Variants in KIN observed in about 807,000 individuals in gnomAD.
The protein encoded by KIN is DNA/RNA-binding protein KIN17.
KIN carries 47 observed loss-of-function variants against 63.0 expected under a neutral mutation model. The observed-to-expected ratio is 0.75, with a 90% CI of 0.59 to 0.95. The LOEUF (loss-of-function observed/expected upper bound fraction) is 0.95. Among genes scored for constraint, KIN ranks in the 40% least tolerant of loss-of-function variants. KIN has a pLI of 0.00. For synonymous variants in KIN, 160 were observed against 157.7 expected (o/e 1.01, Z -0.11); for missense variants, 408 against 460.9 (o/e 0.89, Z 1.05).
chr10:7,767,490 G>GT (rs765482235), intron 8 of KIN, among the ~76,000 whole-genome samples: 7 of 152,182 alleles, frequency 4.6e-5, no homozygotes, highest in Non-Finnish European at 1.0e-4. Flanking sequence ...CAGTTTCATA[G>GT]TAAGTTTCAT....
At chr10:7,782,467 C>T (rs912429832) in intron 2 of KIN, among the ~76,000 whole-genome samples, 2 of 150,546 alleles carry the variant, frequency 1.3e-5, no homozygotes, top group East Asian at 2.0e-4. Flanking sequence ...GGTGCAATCT[C>T]GGCTCACTGC....
intron 9 of KIN, among the ~76,000 whole-genome samples, chr10:7,765,368 G>A (rs150790784): frequency 0.025 from 3,733 of 151,966 alleles, 208 homozygotes; most frequent in East Asian, 0.24. Flanking sequence ...GCTGAGGTGG[G>A]AGGATCGCTT....
At chr10:7,767,579 G>C (rs1393083168) in intron 8 of KIN, among the ~76,000 whole-genome samples, 1 of 152,098 alleles carries the variant, frequency 6.6e-6, no homozygotes, top group Non-Finnish European at 1.5e-5. Flanking sequence ...ACAGCCAGCC[G>C]GGTGCGGTGG....
intron 2 of KIN, among the ~76,000 whole-genome samples, chr10:7,782,399 C>T (rs576033903): frequency 1.0e-3 from 142 of 141,236 alleles, no homozygotes; most frequent in Non-Finnish European, 1.8e-3. Flanking sequence ...ATTTTTAGTG[C>T]CATTTTTTTT....
At chr10:7,763,814 A>T in intron 9 of KIN, 23 bp from the exon 10 acceptor site, 1 of 1,131,188 alleles carries the variant, frequency 8.8e-7, no homozygotes, top group East Asian at 2.4e-5. Context: ...AACAAAAAAA[A>T]TGAAAGGAAA....
At chr10:7,764,399 G>A (rs184011834) in intron 9 of KIN, among the ~76,000 whole-genome samples, 45 of 152,290 alleles carry the variant, frequency 3.0e-4, no homozygotes, top group Non-Finnish European at 5.7e-4. Context: ...TGAATTCAGA[G>A]TTTGCTTCTT....
chr10:7,774,520 T>C (rs1245854451), intron 7 of KIN, among the ~76,000 whole-genome samples: 1 of 150,940 alleles, frequency 6.6e-6, no homozygotes, highest in Non-Finnish European at 1.5e-5. Flanking sequence ...AACAGGCAAA[T>C]AGGAAAAGAA....
At chr10:7,787,326 C>T (rs1283894488) in intron 1 of KIN, among the ~76,000 whole-genome samples, 1 of 152,192 alleles carries the variant, frequency 6.6e-6, no homozygotes, top group Non-Finnish European at 1.5e-5. Context: ...ATTTTAACCA[C>T]AATATTATTC....
In KIN at chr10:7,775,815, T is replaced by C; in HGVS notation, c.559-16A>G. On this transcript the variant is annotated splice_polypyrimidine_tract_variant and intron_variant, in intron 5 of 12. Coordinates refer to ENST00000379562, the MANE Select transcript of KIN (RefSeq NM_012311.4). ...TAGGGACCTCCTAAAAAAAAGAAAG[T>C]TTTAAGGTTTTGGTGTACATTGCAC... 1 of 1,521,588 alleles carries C rather than the reference T, an allele frequency of 6.6e-7. No individual in the cohort carries two copies. Among genetic ancestry groups the C allele is most frequent in the Non-Finnish European group, 8.9e-7 (1 of 1,118,684 alleles). The allele number at this position is 1,521,588 out of a possible 1,614,324, so 94.3% of individuals were successfully genotyped here. A position where few individuals can be genotyped will look rare whatever the true frequency, so the allele number is the denominator to read the frequency against.
At position 7,757,137 on chromosome 10, in the gene KIN, C is replaced by T. The variant is rs189155754; in HGVS notation, c.1120-995G>A. 1.1e-3 allele frequency among the ~76,000 whole-genome samples: 172 copies of T among 152,244 alleles called. 1 individual carries two copies. The highest frequency in any genetic ancestry group is 4.0e-3 in the African/African-American group (165 of 41,540). On this transcript the variant is annotated intron_variant, in intron 12 of 12. Coordinates refer to ENST00000379562, the MANE Select transcript of KIN (RefSeq NM_012311.4). Reference sequence around the variant, plus strand: ...AGTTATTTCATATAAAGTGACTAGACCTGGAACTTAATATGAGTGAGAGCT... The same window carrying T: ...AGTTATTTCATATAAAGTGACTAGATCTGGAACTTAATATGAGTGAGAGCT...
rs1205487887 is a variant in KIN at position 7,754,334 on chromosome 10, C to CA, written c.*1745dup. On this transcript the variant is annotated 3_prime_UTR_variant, in exon 13 of 13. Coordinates refer to ENST00000379562, the MANE Select transcript of KIN (RefSeq NM_012311.4). ...TGGATGACAGAGCAAGACCCTATCTCAAAAAACAGAACAAAAAAAAAGAGG... is the reference window on the plus strand; with the variant it reads ...TGGATGACAGAGCAAGACCCTATCTCAAAAAAACAGAACAAAAAAAAAGAGG... 3 of 268,976 alleles carry CA rather than the reference C, an allele frequency of 1.1e-5. No homozygotes were observed. The highest frequency in any genetic ancestry group is 3.4e-5 in the South Asian group (1 of 29,188). 16.7% of individuals were successfully genotyped at this position (268,976 alleles called of 1,614,324 possible). A position where few individuals can be genotyped will look rare whatever the true frequency, so the allele number is the denominator to read the frequency against.
chr10:7,757,198 T>A (rs1271491165), intron 12 of KIN, among the ~76,000 whole-genome samples: 1 of 152,232 alleles, frequency 6.6e-6, no homozygotes, highest in South Asian at 2.1e-4. Flanking sequence ...TTTAATCTTT[T>A]GTTTAAAATT....
intron 1 of KIN, among the ~76,000 whole-genome samples, chr10:7,785,708 G>A (rs1835987766): frequency 6.6e-6 from 1 of 152,018 alleles, no homozygotes; most frequent in Admixed American, 6.5e-5. Context: ...CAGCTACTTG[G>A]GAGGCTGAGG....
intron 9 of KIN, among the ~76,000 whole-genome samples, chr10:7,765,184 G>A (rs1051472981): frequency 5.4e-5 from 8 of 147,928 alleles, no homozygotes; most frequent in South Asian, 2.1e-4. Flanking sequence ...AAAAAAATTC[G>A]GCACAGTGGC....
In KIN at chr10:7,774,837, T is replaced by C. The variant is rs766684581; in HGVS notation, c.662A>G (p.Lys221Arg). 6.2e-7 allele frequency: 1 copy of C among 1,612,350 alleles called. No individual in the cohort carries two copies. Among genetic ancestry groups the C allele is most frequent in the South Asian group, 1.1e-5 (1 of 91,054 alleles). ...CGTGAATGATGCAGCTCACCTTGACTTGGAAGATGTTGCTCCGGATGAGCT... is the reference window on the plus strand; with the variant it reads ...CGTGAATGATGCAGCTCACCTTGACCTGGAAGATGTTGCTCCGGATGAGCT... ...ACSSSGATSS[K>R]SSTLGPSALK... The change falls in exon 7 of 13, where the codon AAG (lysine) becomes AGG (arginine). Residue 221 changes from lysine to arginine, a missense_variant. Coordinates refer to ENST00000379562, the MANE Select transcript of KIN (RefSeq NM_012311.4).
intron 11 of KIN, 123 bp downstream of exon 11, chr10:7,762,334 G>T (rs777319321): frequency 2.3e-5 from 12 of 529,692 alleles, no homozygotes; most frequent in Non-Finnish European, 4.0e-5. Context: ...GAGTTACGCT[G>T]GCAGTTAATG....
rs1835303583 is a variant in KIN, at chr10:7,754,795, TC to T, written c.*1284del. 1 of 152,334 alleles carries T rather than the reference TC, an allele frequency of 6.6e-6. No individual in the cohort carries two copies. The highest frequency in any genetic ancestry group is 2.1e-4 in the South Asian group (1 of 4,836). 9.4% of individuals were successfully genotyped at this position (152,334 alleles called of 1,614,324 possible). On this transcript the variant is annotated 3_prime_UTR_variant, in exon 13 of 13. Coordinates refer to ENST00000379562, the MANE Select transcript of KIN (RefSeq NM_012311.4). ...CCCAGGGAAGGCTGTTCACACCCGG[TC>T]CCGCTGCCCTGGAAGCTAGCGTCTG...
chr10:7,772,937 T>G (rs1398512058), intron 7 of KIN, among the ~76,000 whole-genome samples: 1 of 152,132 alleles, frequency 6.6e-6, no homozygotes, highest in Non-Finnish European at 1.5e-5. Context: ...TTAAAGATCT[T>G]GAGATGAGGA....
At chr10:7,786,874 G>C (rs1262183978) in intron 1 of KIN, among the ~76,000 whole-genome samples, 1 of 152,146 alleles carries the variant, frequency 6.6e-6, no homozygotes, top group African/African-American at 2.4e-5. Flanking sequence ...GAGAGTAACT[G>C]TATCAATATT....
Sources: gnomAD v4.1 joint callset for allele counts (sites outside exome capture counted in the v4.1 genomes callset) on GRCh38, gnomAD v4.1.1 for gene constraint, MANE v1.5 for transcripts, NCBI Gene and HGNC (gene_info 2026-07-23, HGNC 2026-07-21) for gene names.